GATD1: variants seen among roughly 807,000 people sequenced by gnomAD.
The protein encoded by GATD1 is glutamine amidotransferase class 1 domain containing 1, also known as glutamine amidotransferase-like class 1 domain-containing protein 1.
Under a neutral mutation model 25.9 loss-of-function variants are expected in GATD1, and 23 were observed. The observed-to-expected ratio is 0.89, with a 90% CI of 0.64 to 1.26. The LOEUF (loss-of-function observed/expected upper bound fraction) is 1.26. Ranked by LOEUF, GATD1 falls within the 50% of genes most tolerant of loss-of-function variation. GATD1 has a pLI of 0.00. For missense variants in GATD1, 347 were observed against 312.5 expected, an observed-to-expected ratio of 1.11 and a Z score of -0.83; for synonymous variants, 177 against 134.6, an observed-to-expected ratio of 1.31 and a Z score of -2.18.
Position 770,563 on chromosome 11 carries a change from C to T in GATD1, c.*334G>A. ...CCCCGAGCCGACTCTGTCTAGTCAA[C>T]AGTGACCACACGTGACAACCAGTCC... On this transcript the variant is annotated 3_prime_UTR_variant, in exon 8 of 8. Transcript: ENST00000319863. 7.1e-7 allele frequency: 1 copy of T among 1,416,572 alleles called. No homozygotes were observed. The highest frequency in any genetic ancestry group is 9.2e-7 in the Non-Finnish European group (1 of 1,088,382). The allele number at this position is 1,416,572 out of a possible 1,614,324, so 87.8% of individuals were successfully genotyped here.
intron 4 of GATD1, among the ~76,000 whole-genome samples, chr11:772,878 G>C (rs1169279209): frequency 6.6e-6 from 1 of 152,234 alleles, no homozygotes; most frequent in Non-Finnish European, 1.5e-5. Context: ...AGGCACTGTG[G>C]GAAAGGCCCC....
At chr11:772,146 G>C (rs1313721665) in intron 5 of GATD1, among the ~76,000 whole-genome samples, 2 of 152,280 alleles carry the variant, frequency 1.3e-5, no homozygotes, top group Middle Eastern at 3.4e-3. Context: ...GAGTGGGCCT[G>C]GGCTTCCGGG....
Position 773,362 on chromosome 11 carries a change from G to A in GATD1, c.355+160C>T, listed in dbSNP as rs1863637580. On this transcript the variant is annotated intron_variant, in intron 4 of 7. Coordinates refer to ENST00000319863, the MANE Select transcript of GATD1 (RefSeq NM_182612.4). The stretch of plus-strand genomic sequence containing the variant: ...AAAGTCTGTGTGTGTCGGGGGAAGG[G>A]GCAGTCCCTGCCTCCTGCCCACAAC... 1.6e-5 allele frequency: 10 copies of A among 631,710 alleles called. No homozygotes were observed. The South Asian group carries it at 2.0e-4, about 12-fold the overall frequency. The allele number at this position is 631,710 out of a possible 1,614,324, so 39.1% of individuals were successfully genotyped here.
At position 770,844 on chromosome 11, in the gene GATD1, GC is replaced by G. The variant is rs1194829994; in HGVS notation, c.*52del. 2 of 1,562,436 alleles carry G rather than the reference GC, an allele frequency of 1.3e-6. No homozygotes were observed. Among genetic ancestry groups the G allele is most frequent in the African/African-American group, 2.7e-5 (2 of 74,040 alleles). On this transcript the variant is annotated 3_prime_UTR_variant, in exon 8 of 8. Coordinates refer to ENST00000319863, the MANE Select transcript of GATD1 (RefSeq NM_182612.4). ...CGGGGTCCCTGAAGCCTGAGACGGGGCTGCCTCTGGAGACACCTGGGCTGTC... is the reference window on the plus strand; with the variant it reads ...CGGGGTCCCTGAAGCCTGAGACGGGGTGCCTCTGGAGACACCTGGGCTGTC...
Position 772,430 on chromosome 11 carries a change from T to C in GATD1, c.447A>G (p.Thr149=), listed in dbSNP as rs752157902. 1 of 1,612,848 alleles carries C rather than the reference T, an allele frequency of 6.2e-7. No individual in the cohort carries two copies. Among genetic ancestry groups the C allele is most frequent in the Non-Finnish European group, 8.5e-7 (1 of 1,179,584 alleles). Residue 149 remains threonine (T), a synonymous_variant, in exon 5 of 8, where the codon ACA becomes ACG. Coordinates refer to ENST00000319863, the MANE Select transcript of GATD1 (RefSeq NM_182612.4). ...GCCTCGGCCTCCAGACACTCACCCC[T>C]GTCAGGCTGTAGCTGTCGAACACCC... The part of the protein sequence containing the change: ...RSWVFDSYSL[T]GPSVCELVRA...
intron 5 of GATD1, among the ~76,000 whole-genome samples, chr11:772,017 A>C (rs1863494038): frequency 6.6e-6 from 1 of 152,124 alleles, no homozygotes; most frequent in African/African-American, 2.4e-5. Flanking sequence ...AGCCCACTTC[A>C]CAGCCTTTGG....
At chr11:771,169 C>G (rs1383266526) in intron 6 of GATD1, 65 bp from the exon 7 acceptor site, 1 of 1,546,218 alleles carries the variant, frequency 6.5e-7, no homozygotes, top group Non-Finnish European at 8.7e-7. Context: ...GCCTCGAACT[C>G]CAGGCGGGCT....
At chr11:776,260 C>A (rs1863963088) in intron 1 of GATD1, among the ~76,000 whole-genome samples, 1 of 152,108 alleles carries the variant, frequency 6.6e-6, no homozygotes, top group Non-Finnish European at 1.5e-5. Context: ...GGATTACAGG[C>A]GTGAGCCACT....
Position 769,973 on chromosome 11 carries a change from C to A in GATD1, c.*924G>T. The A allele has an allele frequency of 9.8e-7, 1 of 1,022,538 alleles. No homozygotes were observed. The highest frequency in any genetic ancestry group is 1.2e-6 in the Non-Finnish European group (1 of 854,646). The allele number at this position is 1,022,538 out of a possible 1,614,324, so 63.3% of individuals were successfully genotyped here. On this transcript the variant is annotated 3_prime_UTR_variant, in exon 8 of 8. Coordinates refer to ENST00000319863, the MANE Select transcript of GATD1 (RefSeq NM_182612.4). ...CCTGGCAGGTCACTGGCACCAGGAG[C>A]CACGCTGGTGCTTGGGAACGGCTGT...
At chr11:775,220 G>C in intron 1 of GATD1, 78 bp from the exon 2 acceptor site, 1 of 1,203,092 alleles carries the variant, frequency 8.3e-7, no homozygotes, top group East Asian at 2.6e-5. Flanking sequence ...ACACCCCCAT[G>C]GCCTCGACTG....
chr11:774,072 T>G lies in GATD1; in HGVS notation c.183A>C (p.Ala61=), dbSNP rs376705510. The G allele has an allele frequency of 1.7e-5, 28 of 1,613,596 alleles. No homozygotes were observed. In the African/African-American group the frequency reaches 3.6e-4, roughly 21 times the overall value. The change falls in exon 3 of 8, where the codon GCA becomes GCC. Residue 61 remains alanine (A), a synonymous_variant. Coordinates refer to ENST00000319863, the MANE Select transcript of GATD1 (RefSeq NM_182612.4). ...TGAGGCGGAAGTCTTGCACCCAGCG[T>G]GCATTGCTCTCAGTCACATCCACAA... is the stretch of plus-strand genomic sequence containing the variant. ...MEFVDVTESN[A]RWVQDFRLKA...
At position 770,101 on chromosome 11, in the gene GATD1, G is replaced by A; in HGVS notation, c.*796C>T. 1 of 1,218,034 alleles carries A rather than the reference G, an allele frequency of 8.2e-7. No individual in the cohort carries two copies. The highest frequency in any genetic ancestry group is 4.1e-5 in the South Asian group (1 of 24,684). The allele number at this position is 1,218,034 out of a possible 1,614,324, so 75.5% of individuals were successfully genotyped here. On this transcript the variant is annotated 3_prime_UTR_variant, in exon 8 of 8. Coordinates refer to ENST00000319863, the MANE Select transcript of GATD1 (RefSeq NM_182612.4). Reference sequence around the variant, plus strand: ...AGCCTCTCCTGGACGCCCTAACCTGGGGCCAGGGGGCAGCCCGCTGGAGGG... The same window carrying A: ...AGCCTCTCCTGGACGCCCTAACCTGAGGCCAGGGGGCAGCCCGCTGGAGGG...
chr11:769,790 T>A lies in GATD1; in HGVS notation c.*1107A>T, dbSNP rs1863272834. The A allele has an allele frequency of 2.3e-6, 1 of 435,048 alleles. No individual in the cohort carries two copies. Among genetic ancestry groups the A allele is most frequent in the African/African-American group, 2.2e-5 (1 of 46,486 alleles). The allele number at this position is 435,048 out of a possible 1,614,324, so 26.9% of individuals were successfully genotyped here. On this transcript the variant is annotated 3_prime_UTR_variant, in exon 8 of 8. Transcript: ENST00000319863. ...ATGCCAGGCTAACTTTTTGTATTTT[T>A]GTTTTTTAGTAGAGATGGGGTTTCA... is the stretch of plus-strand genomic sequence containing the variant.
At chr11:772,025 T>C (rs372631454) in intron 5 of GATD1, among the ~76,000 whole-genome samples, 1 of 152,178 alleles carries the variant, frequency 6.6e-6, no homozygotes, top group East Asian at 1.9e-4. Context: ...TCACAGCCTT[T>C]GGGCCTCAGA....
At position 769,688 on chromosome 11, in the gene GATD1, C is replaced by A; in HGVS notation, c.*1209G>T. 1 of 156,136 alleles carries A rather than the reference C, an allele frequency of 6.4e-6. No homozygotes were observed. Among genetic ancestry groups the A allele is most frequent in the Non-Finnish European group, 1.4e-5 (1 of 71,604 alleles). 9.7% of individuals were successfully genotyped at this position (156,136 alleles called of 1,614,324 possible). The stretch of plus-strand genomic sequence containing the variant: ...GCAGTGGCACGATCTCAGCTCACTG[C>A]AAGCTCTGCCTCCCAGGTTCACGCC... On this transcript the variant is annotated 3_prime_UTR_variant, in exon 8 of 8. Coordinates refer to ENST00000319863, the MANE Select transcript of GATD1 (RefSeq NM_182612.4).
chr11:770,803 G>C lies in GATD1; in HGVS notation c.*94C>G. ...GACCAGGCTGCCATCCAGGGCCCTT[G>C]TCAGGAGGGAAGAGGCGGGGTCCCT... On this transcript the variant is annotated 3_prime_UTR_variant, in exon 8 of 8. Transcript: ENST00000319863. 1 of 1,542,040 alleles carries C rather than the reference G, an allele frequency of 6.5e-7. No individual in the cohort carries two copies. Among genetic ancestry groups the C allele is most frequent in the Non-Finnish European group, 8.7e-7 (1 of 1,143,246 alleles).
In GATD1 at chr11:775,062, T is replaced by C; in HGVS notation, c.141+4A>G. The C allele has an allele frequency of 6.2e-7, 1 of 1,600,308 alleles. No homozygotes were observed. The highest frequency in any genetic ancestry group is 8.5e-7 in the Non-Finnish European group (1 of 1,174,894). ...TCCAGTGGGGAAGGAGAGGCTGGAC[T>C]TACCCCAGGGGTGGCCACCTGCAGG... On this transcript the variant is annotated splice_donor_region_variant and intron_variant, in intron 2 of 7. Coordinates refer to ENST00000319863, the MANE Select transcript of GATD1 (RefSeq NM_182612.4).
At chr11:771,571 A>C (rs1863451749) in intron 5 of GATD1, 145 bp from the exon 6 acceptor site, 1 of 1,406,116 alleles carries the variant, frequency 7.1e-7, no homozygotes, top group South Asian at 1.6e-5. Context: ...ACAGCTGCTA[A>C]GGCTGGAGGG....
Position 770,188 on chromosome 11 carries a change from C to T in GATD1, c.*709G>A. On this transcript the variant is annotated 3_prime_UTR_variant, in exon 8 of 8. Coordinates refer to ENST00000319863, the MANE Select transcript of GATD1 (RefSeq NM_182612.4). ...CTGTCTGCTCTTGATAGCCGCTCTA[C>T]CCGAGGCCACTGTGCAAGGCCGTGG... 7 of 1,295,202 alleles carry T rather than the reference C, an allele frequency of 5.4e-6. No homozygotes were observed. Among genetic ancestry groups the T allele is most frequent in the Non-Finnish European group, 6.9e-6 (7 of 1,018,698 alleles). The allele number at this position is 1,295,202 out of a possible 1,614,324, so 80.2% of individuals were successfully genotyped here.
Sources: allele counts gnomAD v4.1 joint callset (sites outside exome capture counted in the v4.1 genomes callset), GRCh38; gene constraint gnomAD v4.1.1; transcripts MANE v1.5; gene names NCBI Gene and HGNC (gene_info 2026-07-23, HGNC 2026-07-21).